Variants in SLC24A3 observed in about 807,000 individuals in gnomAD.
SLC24A3 encodes solute carrier family 24 member 3, also known as sodium/potassium/calcium exchanger 3.
In SLC24A3, 28 loss-of-function variants were observed where a neutral mutation model predicts 75.8. The observed-to-expected ratio is 0.37, with a 90% confidence interval of 0.27 to 0.51. The LOEUF (loss-of-function observed/expected upper bound fraction) is 0.51, where lower values mean the gene tolerates loss of function less well. Ranked by LOEUF, SLC24A3 falls within the 20% of genes least tolerant of loss-of-function variation. The pLI is 0.94. For synonymous variants in SLC24A3, 372 were observed against 334.1 expected (o/e 1.11, Z -1.24); for missense variants, 663 against 847.8 (o/e 0.78, Z 2.71).
chr20:19,393,799 C>T (rs1015109996), intron 2 of SLC24A3, among the ~76,000 whole-genome samples: 5 of 152,070 alleles, frequency 3.3e-5, no homozygotes, highest in South Asian at 2.1e-4. Context: ...AAATGATCTA[C>T]GTATTTAATA....
intron 2 of SLC24A3, among the ~76,000 whole-genome samples, chr20:19,406,215 T>C (rs6046064): frequency 1.3e-5 from 2 of 150,116 alleles, no homozygotes; most frequent in East Asian, 1.9e-4. Flanking sequence ...TGTGCGTGCG[T>C]GTGTGTGTGT....
At chr20:19,244,277 A>C (rs906429598) in intron 1 of SLC24A3, 1 of 152,242 alleles carries the variant, frequency 6.6e-6, no homozygotes, top group Non-Finnish European at 1.5e-5. Context: ...GTAGGGCTAC[A>C]ATGCCGAGAG....
chr20:19,523,839 G>T (rs1338813170), intron 3 of SLC24A3, among the ~76,000 whole-genome samples: 1 of 152,098 alleles, frequency 6.6e-6, no homozygotes, highest in Non-Finnish European at 1.5e-5. Flanking sequence ...TACCTTACTT[G>T]TCCCTCTGCT....
intron 3 of SLC24A3, among the ~76,000 whole-genome samples, chr20:19,566,897 C>T (rs528670649): frequency 2.6e-5 from 4 of 152,080 alleles, no homozygotes; most frequent in African/African-American, 4.8e-5. Context: ...AGCCAACAAG[C>T]GCATGAAAAA....
At chr20:19,222,858 G>A (rs1227793011) in intron 1 of SLC24A3, among the ~76,000 whole-genome samples, 2 of 102,436 alleles carry the variant, frequency 2.0e-5, no homozygotes, top group Non-Finnish European at 4.0e-5. Flanking sequence ...TTTAACTACT[G>A]TACACATGAA....
intron 15 of SLC24A3, among the ~76,000 whole-genome samples, chr20:19,711,786 C>T (rs998442281): frequency 3.3e-5 from 5 of 152,126 alleles, no homozygotes; most frequent in African/African-American, 1.2e-4. Context: ...ACTACAGGTA[C>T]GCATCGCCAT....
intron 6 of SLC24A3, among the ~76,000 whole-genome samples, chr20:19,610,257 T>C (rs2031655510): frequency 6.6e-6 from 1 of 152,218 alleles, no homozygotes; most frequent in South Asian, 2.1e-4. Flanking sequence ...AAATTGTTGT[T>C]TCAGTTACAA....
intron 1 of SLC24A3, among the ~76,000 whole-genome samples, chr20:19,274,074 C>G (rs570585795): frequency 1.3e-5 from 2 of 151,138 alleles, no homozygotes; most frequent in Non-Finnish European, 3.0e-5. Context: ...GAGGCCTGTC[C>G]TATTGAAGGG....
chr20:19,424,509 G>A (rs1248530689), intron 2 of SLC24A3, among the ~76,000 whole-genome samples: 5 of 152,208 alleles, frequency 3.3e-5, no homozygotes, highest in Admixed American at 2.6e-4. Context: ...GGCCAACATG[G>A]TGAAACCCCA....
At chr20:19,460,395 C>T (rs946442126) in intron 2 of SLC24A3, among the ~76,000 whole-genome samples, 12 of 152,146 alleles carry the variant, frequency 7.9e-5, no homozygotes, top group Non-Finnish European at 1.5e-4. Context: ...GACAGAGACC[C>T]GGGCTCATGT....
intron 6 of SLC24A3, among the ~76,000 whole-genome samples, chr20:19,634,300 C>T (rs1468319891): frequency 6.6e-6 from 1 of 152,186 alleles, no homozygotes; most frequent in East Asian, 1.9e-4. Flanking sequence ...TTAGCTCGTT[C>T]TCTCCCACTC....
rs117105651 is a variant in SLC24A3, at chr20:19,303,042, T to C, written c.271+21955T>C. Among the ~76,000 whole-genome samples the C allele has an allele frequency of 5.6e-3, 850 of 152,094 alleles. 4 individuals carry two copies. The highest frequency in any genetic ancestry group is 9.9e-3 in the Non-Finnish European group (670 of 68,002). ...CTTTTATTTTAGTTTCAGTGGTGCATGTGTGAGTTTGTTACATAAGTAAAC... is the reference window on the plus strand; with the variant it reads ...CTTTTATTTTAGTTTCAGTGGTGCACGTGTGAGTTTGTTACATAAGTAAAC... On this transcript the variant is annotated intron_variant, in intron 2 of 16. Transcript: ENST00000328041.
At chr20:19,537,071 C>A (rs2030412201) in intron 3 of SLC24A3, among the ~76,000 whole-genome samples, 1 of 152,116 alleles carries the variant, frequency 6.6e-6, no homozygotes, top group African/African-American at 2.4e-5. Context: ...AAAGAAACTG[C>A]CATCAGAGTG....
At chr20:19,618,506 T>C (rs2031765839) in intron 6 of SLC24A3, among the ~76,000 whole-genome samples, 1 of 152,208 alleles carries the variant, frequency 6.6e-6, no homozygotes, top group Admixed American at 6.5e-5. Context: ...ATTTTAACTT[T>C]AATTACTTCT....
intron 1 of SLC24A3, among the ~76,000 whole-genome samples, chr20:19,230,590 G>A (rs1372665558): frequency 6.8e-6 from 1 of 147,154 alleles, no homozygotes; most frequent in Non-Finnish European, 1.5e-5. Flanking sequence ...GGGAACTGGG[G>A]TCTCTGAATG....
intron 2 of SLC24A3, among the ~76,000 whole-genome samples, chr20:19,500,607 T>C (rs1486668970): frequency 2.6e-5 from 4 of 152,234 alleles, no homozygotes; most frequent in Non-Finnish European, 5.9e-5. Context: ...TAAATCTATA[T>C]GAAATGCCCT....
At position 19,417,805 on chromosome 20, in the gene SLC24A3, G is replaced by A. The variant is rs1423247609; in HGVS notation, c.272-97683G>A. Among the ~76,000 whole-genome samples, 8 of 152,164 alleles carry A rather than the reference G, an allele frequency of 5.3e-5. No individual in the cohort carries two copies. The East Asian group carries it at 1.5e-3, about 29-fold the overall frequency. On this transcript the variant is annotated intron_variant, in intron 2 of 16. Transcript: ENST00000328041. The stretch of plus-strand genomic sequence containing the variant: ...GGCATCAGCCGAGGTGAGGATGCTG[G>A]ATGAGGCATCACATTACAATAGTGG...
At chr20:19,537,384 C>T (rs2030418140) in intron 3 of SLC24A3, among the ~76,000 whole-genome samples, 1 of 152,124 alleles carries the variant, frequency 6.6e-6, no homozygotes, top group Non-Finnish European at 1.5e-5. Context: ...ACAACAGGTG[C>T]TGGAGAGGAT....
chr20:19,346,039 C>A (rs1985388707), intron 2 of SLC24A3, among the ~76,000 whole-genome samples: 1 of 111,140 alleles, frequency 9.0e-6, no homozygotes, highest in African/African-American at 3.8e-5. Flanking sequence ...GCCCAAATGC[C>A]CATCAATCAA....
Sources: gnomAD v4.1 joint callset for allele counts (sites outside exome capture counted in the v4.1 genomes callset) on GRCh38, gnomAD v4.1.1 for gene constraint, MANE v1.5 for transcripts, NCBI Gene and HGNC (gene_info 2026-07-23, HGNC 2026-07-21) for gene names.